Variants in DMRTC2 observed in about 807,000 individuals in gnomAD.
DMRTC2 encodes the protein DMRT like family C2, also known as doublesex- and mab-3-related transcription factor C2.
A neutral mutation model predicts 39.9 loss-of-function variants in DMRTC2; 13 were observed. The observed-to-expected ratio is 0.33, with a 90% CI of 0.21 to 0.52. The LOEUF (loss-of-function observed/expected upper bound fraction) is 0.52, where lower values mean the gene tolerates loss of function less well. DMRTC2 is among the 20% of genes least tolerant of loss of function. The pLI is 0.96. For missense variants in DMRTC2, 431 were observed against 472.8 expected, an observed-to-expected ratio of 0.91 and a Z score of 0.82; for synonymous variants, 189 against 185.2, an observed-to-expected ratio of 1.02 and a Z score of -0.17.
In DMRTC2 at chr19:41,850,302, T is replaced by C. The variant is rs1555837005; in HGVS notation, c.756-10T>C. On this transcript the variant is annotated splice_polypyrimidine_tract_variant and intron_variant, in intron 6 of 8. Coordinates refer to ENST00000269945, the MANE Select transcript of DMRTC2 (RefSeq NM_001040283.3). Reference sequence around the variant, plus strand: ...TTAACCACCCTGGCATCTTCTCTCCTTGTTTCTAGACACTCAACTCTGATA... The same window carrying C: ...TTAACCACCCTGGCATCTTCTCTCCCTGTTTCTAGACACTCAACTCTGATA... The C allele has an allele frequency of 2.7e-6, 4 of 1,487,968 alleles. No individual in the cohort carries two copies. Among genetic ancestry groups the C allele is most frequent in the Non-Finnish European group, 3.6e-6 (4 of 1,118,732 alleles). 92.2% of individuals were successfully genotyped at this position (1,487,968 alleles called of 1,614,324 possible). A position where few individuals can be genotyped will look rare whatever the true frequency, so the allele number is the denominator to read the frequency against.
intron 2 of DMRTC2, 37 bp downstream of exon 2, chr19:41,847,689 T>G (rs1555836291): frequency 6.8e-6 from 11 of 1,613,722 alleles, no homozygotes; most frequent in Non-Finnish European, 9.3e-6. Flanking sequence ...AGGATGAGCC[T>G]CCTCCAAAGG....
At position 41,847,777 on chromosome 19, in the gene DMRTC2, G is replaced by A; in HGVS notation, c.266G>A (p.Arg89Lys). 4.3e-6 allele frequency: 7 copies of A among 1,613,194 alleles called. No homozygotes were observed. Among genetic ancestry groups the A allele is most frequent in the Non-Finnish European group, 5.9e-6 (7 of 1,179,594 alleles). ...ATGGCTGCCCAGGTGGCCTTGCGTAGGCAGCAGGAGGCGCAGCTAAAGAAG... is the reference window on the plus strand; with the variant it reads ...ATGGCTGCCCAGGTGGCCTTGCGTAAGCAGCAGGAGGCGCAGCTAAAGAAG... Reference protein sequence around the residue: ...RVMAAQVALRRQQEAQLKKHL... With the variant: ...RVMAAQVALRKQQEAQLKKHL... The change falls in exon 3 of 9, where the codon AGG becomes AAG. Residue 89 changes from arginine (R) to lysine (K), a missense_variant. Physicochemically the swap from Arg to Lys is conservative, Grantham distance 26 (BLOSUM62 2). Transcript: ENST00000269945.
chr19:41,847,970 T>A lies in DMRTC2; in HGVS notation c.370+89T>A. The A allele has an allele frequency of 2.7e-6, 4 of 1,469,986 alleles. No homozygotes were observed. In the South Asian group the frequency reaches 5.4e-5, roughly 20 times the overall value. 91.1% of individuals were successfully genotyped at this position (1,469,986 alleles called of 1,614,324 possible). A position where few individuals can be genotyped will look rare whatever the true frequency, so the allele number is the denominator to read the frequency against. ...AGGCCCAGTCCTGCTGCTGAATTGG[T>A]GTACGACCTTGAACTAAGGGTTTCT... On this transcript the variant is annotated intron_variant, in intron 3 of 8. Transcript: ENST00000269945.
At position 41,846,897 on chromosome 19, in the gene DMRTC2, C is replaced by T. The variant is rs376237073; in HGVS notation, c.-4-528C>T. Among the ~76,000 whole-genome samples the T allele has an allele frequency of 7.3e-5, 11 of 150,106 alleles. No homozygotes were observed. In the East Asian group the frequency reaches 8.3e-4, roughly 11 times the overall value. On this transcript the variant is annotated intron_variant, in intron 1 of 8. Coordinates refer to ENST00000269945, the MANE Select transcript of DMRTC2 (RefSeq NM_001040283.3). ...ATTTTTAAATTAAAAAAAGGGGGGA[C>T]GGGTGCAGTGGCTCATGGCTGTAAT...
intron 7 of DMRTC2, 42 bp from the exon 8 acceptor site, chr19:41,850,484 A>G (rs1455142109): frequency 6.3e-7 from 1 of 1,588,550 alleles, no homozygotes; most frequent in Non-Finnish European, 8.6e-7. Flanking sequence ...GGGTGGGCAG[A>G]AGCGGGGGTT....
rs1568783153 is a variant in DMRTC2 at position 41,851,818 on chromosome 19, T to TTTG, written c.*124_*125insGTT. 463 of 853,450 alleles carry TTTG rather than the reference T, an allele frequency of 5.4e-4. No homozygotes were observed. In the African/African-American group the frequency reaches 7.6e-3, roughly 14 times the overall value. The allele number at this position is 853,450 out of a possible 1,614,324, so 52.9% of individuals were successfully genotyped here. On this transcript the variant is annotated 3_prime_UTR_variant, in exon 9 of 9. Coordinates refer to ENST00000269945, the MANE Select transcript of DMRTC2 (RefSeq NM_001040283.3). ...TTAATGTAGTACAAGCTTCGGGCTT[T>TTTG]TTTGTTTGTTTGTTTGTTTGTTTGT...
intron 1 of DMRTC2, among the ~76,000 whole-genome samples, chr19:41,847,019 T>C (rs1384541050): frequency 2.7e-5 from 4 of 150,034 alleles, no homozygotes; most frequent in Non-Finnish European, 5.9e-5. Flanking sequence ...CTACTAAACA[T>C]ACAAAAATAA....
At position 41,852,169 on chromosome 19, in the gene DMRTC2, G is replaced by A. The variant is rs2073964820; in HGVS notation, c.*473G>A. 1 of 154,600 alleles carries A rather than the reference G, an allele frequency of 6.5e-6. No individual in the cohort carries two copies. The highest frequency in any genetic ancestry group is 1.4e-5 in the Non-Finnish European group (1 of 69,692). The allele number at this position is 154,600 out of a possible 1,614,324, so 9.6% of individuals were successfully genotyped here. ...TTGTTGTTGTAAGCCACTGAGATTT[G>A]GAGAGTGTTACCACAGCCTAACCTA... On this transcript the variant is annotated 3_prime_UTR_variant, in exon 9 of 9. Transcript: ENST00000269945.
At chr19:41,846,873 T>A (rs1434969956) in intron 1 of DMRTC2, among the ~76,000 whole-genome samples, 105 of 116,124 alleles carry the variant, frequency 9.0e-4, no homozygotes, top group Non-Finnish European at 1.9e-3. Flanking sequence ...GGCCTAAAAA[T>A]TTTTAAATTA....
At chr19:41,848,345 C>T in intron 3 of DMRTC2, 107 bp from the exon 4 acceptor site, 1 of 780,654 alleles carries the variant, frequency 1.3e-6, no homozygotes, top group African/African-American at 1.9e-5. Flanking sequence ...GACTCCATCT[C>T]AAAAAAAAAA....
intron 1 of DMRTC2, among the ~76,000 whole-genome samples, chr19:41,846,735 T>C (rs1490494010): frequency 6.6e-6 from 1 of 151,608 alleles, no homozygotes; most frequent in Non-Finnish European, 1.5e-5. Flanking sequence ...GCCCAGCTAA[T>C]TTTTTGTATT....
chr19:41,850,387 G>T lies in DMRTC2; in HGVS notation c.816+15G>T, dbSNP rs369649297. ...TACAGCCACAGGTCCTGGGAAAGAA[G>T]TGGGATCTAGGGCCCTGGGAGGAGG... On this transcript the variant is annotated intron_variant, in intron 7 of 8. Coordinates refer to ENST00000269945, the MANE Select transcript of DMRTC2 (RefSeq NM_001040283.3). The T allele has an allele frequency of 6.5e-7, 1 of 1,539,896 alleles. No individual in the cohort carries two copies. Among genetic ancestry groups the T allele is most frequent in the African/African-American group, 1.4e-5 (1 of 71,990 alleles).
chr19:41,850,756 A>G (rs940196713), intron 8 of DMRTC2, 56 bp downstream of exon 8: 2 of 1,505,280 alleles, frequency 1.3e-6, no homozygotes, highest in Non-Finnish European at 1.8e-6. Context: ...AGATCACTGA[A>G]GTACACAGGG....
In DMRTC2 at chr19:41,847,491, G is replaced by C; in HGVS notation, c.63G>C (p.Glu21Asp). The part of the protein sequence containing the change: ...HCPLDSAPWD[E>D]TRDPQSTELI... ...CCTTAGACTCTGCCCCCTGGGATGAGACCAGAGACCCCCAGAGCACAGAGC... is the reference window on the plus strand; with the variant it reads ...CCTTAGACTCTGCCCCCTGGGATGACACCAGAGACCCCCAGAGCACAGAGC... The change falls in exon 2 of 9, where the codon GAG becomes GAC. Residue 21 changes from glutamate (E) to aspartate (D), a missense_variant. Transcript: ENST00000269945. 1.2e-6 allele frequency: 2 copies of C among 1,612,848 alleles called. No homozygotes were observed. Among genetic ancestry groups the C allele is most frequent in the Non-Finnish European group, 1.7e-6 (2 of 1,179,352 alleles).
Position 41,849,210 on chromosome 19 carries a change from G to T in DMRTC2, c.709G>T (p.Ala237Ser). The T allele has an allele frequency of 1.2e-6, 2 of 1,614,174 alleles. No homozygotes were observed. The highest frequency in any genetic ancestry group is 1.7e-6 in the Non-Finnish European group (2 of 1,180,026). Residue 237 changes from alanine (A) to serine (S), a missense_variant, in exon 6 of 9, where the codon GCT (alanine) becomes TCT (serine). Transcript: ENST00000269945. ...CCCAGGATCTCACCCAGTACTGACA[G>T]CTCCTCTTTCTGGAGAGCCCCAAGG... ...TCPGSHPVLTAPLSGEPQGPP... is the reference protein window; with the variant it reads ...TCPGSHPVLTSPLSGEPQGPP...
chr19:41,849,269 A>T lies in DMRTC2; in HGVS notation c.755+13A>T, dbSNP rs2073919307. ...GCCAGCCCCGCACGTGAGTAGGGAGAGAAGGATGTGTATCATAAGCCTAAG... is the reference window on the plus strand; with the variant it reads ...GCCAGCCCCGCACGTGAGTAGGGAGTGAAGGATGTGTATCATAAGCCTAAG... On this transcript the variant is annotated intron_variant, in intron 6 of 8. Coordinates refer to ENST00000269945, the MANE Select transcript of DMRTC2 (RefSeq NM_001040283.3). 6.2e-7 allele frequency: 1 copy of T among 1,613,288 alleles called. No homozygotes were observed. Among genetic ancestry groups the T allele is most frequent in the Admixed American group, 1.7e-5 (1 of 59,936 alleles).
chr19:41,848,948 C>A lies in DMRTC2; in HGVS notation c.601C>A (p.Pro201Thr). 6.2e-7 allele frequency: 1 copy of A among 1,614,094 alleles called. No individual in the cohort carries two copies. The highest frequency in any genetic ancestry group is 8.5e-7 in the Non-Finnish European group (1 of 1,180,046). ...GGTGTGCCGCCTGCTGTACCAAGAA[C>A]CTGCTGTCTCTCTGCCTCCCTTCCC... ...PVVCRLLYQE[P>T]AVSLPPFPGF... Residue 201 changes from proline to threonine, a missense_variant, in exon 5 of 9, where the codon CCT becomes ACT. Coordinates refer to ENST00000269945, the MANE Select transcript of DMRTC2 (RefSeq NM_001040283.3).
intron 1 of DMRTC2, 95 bp from the exon 2 acceptor site, chr19:41,847,330 G>T: frequency 6.8e-7 from 1 of 1,465,122 alleles, no homozygotes; most frequent in Non-Finnish European, 9.0e-7. Context: ...TCTAAAGAGG[G>T]GCAGGATGGA....
chr19:41,851,552 A>G, intron 8 of DMRTC2, 32 bp from the exon 9 acceptor site: 1 of 1,593,914 alleles, frequency 6.3e-7, no homozygotes. Flanking sequence ...AACAGGTGTG[A>G]CCTGATCCTG....
Sources: allele counts gnomAD v4.1 joint callset (sites outside exome capture counted in the v4.1 genomes callset), GRCh38; gene constraint gnomAD v4.1.1; transcripts MANE v1.5; gene names NCBI Gene and HGNC (gene_info 2026-07-23, HGNC 2026-07-21).